HSDL2: variants seen among roughly 807,000 people sequenced by gnomAD.
HSDL2 encodes the protein hydroxysteroid dehydrogenase like 2.
A neutral mutation model predicts 46.3 loss-of-function variants in HSDL2; 27 were observed. That is an observed-to-expected ratio of 0.58 (90% CI 0.43 to 0.80). The LOEUF (loss-of-function observed/expected upper bound fraction) is 0.80, where lower values mean the gene tolerates loss of function less well. HSDL2 is among the 30% of genes least tolerant of loss of function. The probability of loss-of-function intolerance (pLI) is 0.00; values close to 1 mark genes in which losing one functional copy is unlikely to be tolerated. For missense variants in HSDL2, 451 were observed against 502.7 expected (o/e 0.90, Z 0.98); for synonymous variants, 153 against 163.6 (o/e 0.94, Z 0.50).
intron 4 of HSDL2, among the ~76,000 whole-genome samples, chr9:112,409,791 T>C (rs931798182): frequency 2.6e-5 from 4 of 151,752 alleles, no homozygotes; most frequent in African/African-American, 9.7e-5. Flanking sequence ...AGTTTGAGGC[T>C]ACAATGAGCT....
intron 6 of HSDL2, among the ~76,000 whole-genome samples, chr9:112,431,072 A>ATT (rs1436247841): frequency 8.1e-6 from 1 of 122,952 alleles, no homozygotes; most frequent in African/African-American, 3.3e-5. Flanking sequence ...AAAAAAAAAA[A>ATT]TTTAAAAAAA....
chr9:112,415,370 A>G (rs1434085271), intron 4 of HSDL2, among the ~76,000 whole-genome samples: 3 of 152,198 alleles, frequency 2.0e-5, no homozygotes, highest in African/African-American at 7.2e-5. Flanking sequence ...TAAGTATCTC[A>G]TATATATCAT....
chr9:112,417,005 T>C, intron 5 of HSDL2, 61 bp downstream of exon 5: 1 of 705,740 alleles, frequency 1.4e-6, no homozygotes, highest in East Asian at 2.7e-5. Context: ...GAATTAAATC[T>C]GTGTATGTCT....
At chr9:112,435,749 A>G (rs1439754901) in intron 6 of HSDL2, among the ~76,000 whole-genome samples, 2 of 151,868 alleles carry the variant, frequency 1.3e-5, no homozygotes, top group Non-Finnish European at 2.9e-5. Context: ...TTTTTTGACA[A>G]ACAAATAGGG....
intron 6 of HSDL2, among the ~76,000 whole-genome samples, chr9:112,423,067 G>A (rs529709729): frequency 6.6e-5 from 10 of 152,316 alleles, no homozygotes; most frequent in East Asian, 1.9e-4. Flanking sequence ...CAGCAAATCT[G>A]TCAGAACAGA....
Position 112,438,490 on chromosome 9 carries a change from A to G in HSDL2, c.658A>G (p.Lys220Glu), listed in dbSNP as rs1238391234. Residue 220 changes from lysine to glutamate, a missense_variant, in exon 7 of 11, where the codon AAA becomes GAA. Lys to Glu is a moderately conservative substitution (Grantham distance 56, BLOSUM62 1). Transcript: ENST00000398805. ...GGPGIESQCR[K>E]VDIIADAAYS... ...ACCTGGTATCGAAAGCCAGTGTAGA[A>G]AAGTTGATATCATTGCAGATGCAGC... 6.2e-7 allele frequency: 1 copy of G among 1,611,888 alleles called. No homozygotes were observed. The highest frequency in any genetic ancestry group is 1.7e-5 in the Admixed American group (1 of 59,580).
chr9:112,418,684 T>C (rs1176757019), intron 5 of HSDL2, among the ~76,000 whole-genome samples, 176 bp from the exon 6 acceptor site: 1 of 152,038 alleles, frequency 6.6e-6, no homozygotes, highest in Non-Finnish European at 1.5e-5. Context: ...TATATGCATA[T>C]ATATACACAT....
chr9:112,450,441 C>T (rs1025090861), intron 8 of HSDL2, among the ~76,000 whole-genome samples: 1 of 151,766 alleles, frequency 6.6e-6, no homozygotes, highest in African/African-American at 2.4e-5. Flanking sequence ...ACCAGCCTGG[C>T]CAGCATGGTG....
intron 10 of HSDL2, among the ~76,000 whole-genome samples, chr9:112,464,225 G>GAC (rs756529908): frequency 0.17 from 823 of 4,850 alleles, 23 homozygotes; most frequent in East Asian, 0.46. Flanking sequence ...CACACACACA[G>GAC]ACACACACAC....
chr9:112,453,898 C>T, intron 8 of HSDL2, 115 bp from the exon 9 acceptor site: 3 of 907,316 alleles, frequency 3.3e-6, no homozygotes, highest in South Asian at 1.8e-5. Context: ...CATTTAAAGT[C>T]ATTTTGGTCA....
chr9:112,402,261 G>A (rs1285261910), intron 1 of HSDL2, among the ~76,000 whole-genome samples: 3 of 152,014 alleles, frequency 2.0e-5, no homozygotes, highest in South Asian at 2.1e-4. Context: ...AGGTGTCTCC[G>A]TTTCACTTAG....
intron 4 of HSDL2, among the ~76,000 whole-genome samples, chr9:112,413,517 ATATTTCTATTT>A (rs1831926283): frequency 1.3e-5 from 2 of 148,726 alleles, no homozygotes; most frequent in African/African-American, 4.9e-5. Flanking sequence ...AAGAAAAGAA[ATATTTCTATTT>A]TATTTTATTT....
chr9:112,442,877 A>G (rs1208630334), intron 8 of HSDL2, among the ~76,000 whole-genome samples: 1 of 151,880 alleles, frequency 6.6e-6, no homozygotes, highest in Non-Finnish European at 1.5e-5. Flanking sequence ...TTTATTCTTT[A>G]TTATTTATCT....
At chr9:112,403,905 A>G in intron 1 of HSDL2, 90 bp from the exon 2 acceptor site, 4 of 1,356,484 alleles carry the variant, frequency 2.9e-6, no homozygotes, top group Non-Finnish European at 4.1e-6. Context: ...AGGAGGAAAC[A>G]TATATTATGA....
intron 1 of HSDL2, among the ~76,000 whole-genome samples, chr9:112,382,053 C>A (rs1251380269): frequency 6.6e-6 from 1 of 152,084 alleles, no homozygotes; most frequent in Non-Finnish European, 1.5e-5. Flanking sequence ...GCCTGGCCAA[C>A]GTGGTGAAAC....
chr9:112,459,336 G>A (rs1833132628), intron 9 of HSDL2, 113 bp from the exon 10 acceptor site: 1 of 1,168,548 alleles, frequency 8.6e-7, no homozygotes, highest in South Asian at 1.5e-5. Context: ...GGAGGTCTGG[G>A]GATTTTAACT....
intron 9 of HSDL2, among the ~76,000 whole-genome samples, chr9:112,454,582 G>T (rs3849129): frequency 0.96 from 145,579 of 152,318 alleles, 69,632 homozygotes; most frequent in African/African-American, 0.98. Flanking sequence ...AGGGCATATG[G>T]ATCATGACAG....
chr9:112,418,354 A>G (rs1159920578), intron 5 of HSDL2, among the ~76,000 whole-genome samples: 2 of 151,974 alleles, frequency 1.3e-5, no homozygotes, highest in Non-Finnish European at 2.9e-5. Flanking sequence ...AGGCTAAGGC[A>G]GGTGGATTGC....
intron 1 of HSDL2, among the ~76,000 whole-genome samples, chr9:112,392,221 T>C (rs953690924): frequency 1.5e-4 from 23 of 152,066 alleles, no homozygotes; most frequent in African/African-American, 5.6e-4. Context: ...GGACTACTAA[T>C]AAGGGTCTAA....
Sources: allele counts gnomAD v4.1 joint callset (sites outside exome capture counted in the v4.1 genomes callset), GRCh38; gene constraint gnomAD v4.1.1; transcripts MANE v1.5; gene names NCBI Gene and HGNC (gene_info 2026-07-23, HGNC 2026-07-21).